Variants in PHTF2 observed in about 807,000 individuals in gnomAD.
PHTF2 encodes protein PHTF2.
Under a neutral mutation model 101.2 loss-of-function variants are expected in PHTF2, and 60 were observed. That is an observed-to-expected ratio of 0.59 (90% CI 0.48 to 0.73). PHTF2 has a LOEUF of 0.73. PHTF2 is among the 30% of genes least tolerant of loss of function. The pLI, the probability that PHTF2 is intolerant of heterozygous loss-of-function variation, is 0.00. For missense variants in PHTF2, 747 were observed against 908.7 expected, an observed-to-expected ratio of 0.82 and a Z score of 2.29; for synonymous variants, 311 against 307.3, an observed-to-expected ratio of 1.01 and a Z score of -0.13.
At chr7:77,894,073 C>T in intron 5 of PHTF2, 80 bp downstream of exon 4, 7 of 1,046,858 alleles carry the variant, frequency 6.7e-6, no homozygotes, top group Non-Finnish European at 1.1e-5. Flanking sequence ...CTTTTTGGTG[C>T]TACTAACAGA....
intron 19 of PHTF2, among the ~76,000 whole-genome samples, chr7:77,954,646 A>ATGTAT (rs567176874): frequency 1.4e-5 from 2 of 142,930 alleles, no homozygotes; most frequent in African/African-American, 5.1e-5. Context: ...ATATATATAT[A>ATGTAT]GCCACTTCTC....
At chr7:77,909,008 C>T in intron 8 of PHTF2, 50 bp downstream of exon 7, 2 of 1,310,658 alleles carry the variant, frequency 1.5e-6, no homozygotes, top group Non-Finnish European at 2.1e-6. Flanking sequence ...TAATTTGAAT[C>T]TACGATTGTT....
At position 77,927,191 on chromosome 7, in the gene PHTF2, TATATAC is replaced by T. The variant is rs1395226102; in HGVS notation, c.1120-1914_1120-1909del. The stretch of plus-strand genomic sequence containing the variant: ...AAAAAAAAAAAAATATATATATATA[TATATAC>T]ATACACACACACACACACACACACA... On this transcript the variant is annotated intron_variant, in intron 11 of 19. Transcript: ENST00000416283. 7.6e-3 allele frequency among the ~76,000 whole-genome samples: 714 copies of T among 93,696 alleles called. 10 individuals carry two copies. Among genetic ancestry groups the T allele is most frequent in the African/African-American group, 0.023 (674 of 29,422 alleles). The allele number at this position is 93,696 out of a possible 152,430, so 61.5% of individuals were successfully genotyped here.
chr7:77,834,870 C>T (rs1421160017), intron 1 of PHTF2, among the ~76,000 whole-genome samples: 2 of 152,106 alleles, frequency 1.3e-5, no homozygotes, highest in Admixed American at 6.5e-5. Flanking sequence ...TACATATGAC[C>T]AAGTGACCTG....
intron 7 of PHTF2, 145 bp from the exon 7 acceptor site, chr7:77,908,648 A>C: frequency 1.9e-6 from 1 of 517,884 alleles, no homozygotes; most frequent in East Asian, 3.2e-5. Context: ...ACAGTCTGAG[A>C]GAGCTTGTCT....
chr7:77,930,451 A>C (rs955096156), intron 12 of PHTF2, among the ~76,000 whole-genome samples: 1 of 124,830 alleles, frequency 8.0e-6, no homozygotes, highest in Non-Finnish European at 1.7e-5. Context: ...TCACTAGTCC[A>C]GAAACTTGGT....
chr7:77,897,466 T>G (rs1436808299), intron 5 of PHTF2, among the ~76,000 whole-genome samples: 1 of 151,800 alleles, frequency 6.6e-6, no homozygotes, highest in East Asian at 1.9e-4. Context: ...ATTGCATTTG[T>G]GGTGCTTGTT....
chr7:77,920,592 C>T (rs1803362070), intron 10 of PHTF2, 127 bp downstream of exon 9: 1 of 680,488 alleles, frequency 1.5e-6, no homozygotes, highest in Non-Finnish European at 2.6e-6. Flanking sequence ...GCGTTTATAA[C>T]ACTGATGAAA....
intron 18 of PHTF2, 109 bp from the exon 18 acceptor site, chr7:77,953,659 TA>T: frequency 2.4e-6 from 2 of 827,314 alleles, no homozygotes; most frequent in Non-Finnish European, 3.6e-6. Flanking sequence ...AAAGCATCCA[TA>T]ATTGGTAACT....
intron 3 of PHTF2, among the ~76,000 whole-genome samples, chr7:77,887,958 T>C (rs1800016934): frequency 6.6e-6 from 1 of 152,238 alleles, no homozygotes; most frequent in African/African-American, 2.4e-5. Context: ...TCCTCTTACA[T>C]GATGGAACAA....
At chr7:77,865,458 C>T (rs1584527064) in intron 3 of PHTF2, among the ~76,000 whole-genome samples, 1 of 152,114 alleles carries the variant, frequency 6.6e-6, no homozygotes, top group East Asian at 1.9e-4. Flanking sequence ...AACTCCTGAC[C>T]TCATGTTCCA....
chr7:77,934,644 A>G (rs1474450453), intron 12 of PHTF2, among the ~76,000 whole-genome samples: 3 of 152,250 alleles, frequency 2.0e-5, no homozygotes, highest in East Asian at 1.9e-4. Flanking sequence ...TAAGTTCTAA[A>G]TTTTAGTTTG....
At chr7:77,922,557 A>G (rs1229208507) in intron 10 of PHTF2, 66 bp from the exon 10 acceptor site, 2 of 1,340,112 alleles carry the variant, frequency 1.5e-6, no homozygotes, top group East Asian at 2.4e-5. Context: ...TTCAAATTTC[A>G]TAGTTTAAAA....
At chr7:77,893,553 A>T in intron 3 of PHTF2, 55 bp from the exon 3 acceptor site, 2 of 720,258 alleles carry the variant, frequency 2.8e-6, no homozygotes, top group Non-Finnish European at 4.9e-6. Context: ...GCAGAGTTAT[A>T]CCTATTTGAT....
In PHTF2 at chr7:77,910,506, T is replaced by C. The variant is rs923846033; in HGVS notation, c.776+97T>C. ...TAATGAATATTAATTACTTTAAATG[T>C]GACAGCCTCATTATGGATTTTGTTT... On this transcript the variant is annotated intron_variant, in intron 9 of 19. Transcript: ENST00000416283. 4 of 793,380 alleles carry C rather than the reference T, an allele frequency of 5.0e-6. No homozygotes were observed. In the African/African-American group the frequency reaches 6.9e-5, roughly 14 times the overall value. 49.1% of individuals were successfully genotyped at this position (793,380 alleles called of 1,614,324 possible). A position where few individuals can be genotyped will look rare whatever the true frequency, so the allele number is the denominator to read the frequency against.
At chr7:77,800,928 A>G (rs185391148) in intron 1 of PHTF2, among the ~76,000 whole-genome samples, 1 of 152,348 alleles carries the variant, frequency 6.6e-6, no homozygotes, top group East Asian at 1.9e-4. Context: ...TCCAAAGCCT[A>G]CATTCCAAGC....
chr7:77,888,989 G>A (rs1800122887), intron 3 of PHTF2, among the ~76,000 whole-genome samples: 1 of 152,170 alleles, frequency 6.6e-6, no homozygotes, highest in Non-Finnish European at 1.5e-5. Context: ...AAATATAAAT[G>A]TTGGAAATGG....
intron 1 of PHTF2, among the ~76,000 whole-genome samples, chr7:77,817,675 C>T (rs1275027852): frequency 2.0e-5 from 3 of 152,192 alleles, no homozygotes; most frequent in African/African-American, 7.2e-5. Context: ...TGGGTGGGAA[C>T]ACAGAGCCAA....
At chr7:77,927,806 A>C (rs902331229) in intron 11 of PHTF2, among the ~76,000 whole-genome samples, 2 of 152,244 alleles carry the variant, frequency 1.3e-5, no homozygotes, top group Admixed American at 6.5e-5. Flanking sequence ...TAATCAAAGC[A>C]AAGAACAAGC....
Sources: gnomAD v4.1 joint callset for allele counts (sites outside exome capture counted in the v4.1 genomes callset) on GRCh38, gnomAD v4.1.1 for gene constraint, MANE v1.5 for transcripts, NCBI Gene and HGNC (gene_info 2026-07-23, HGNC 2026-07-21) for gene names.